Variants in HS3ST2 observed in about 807,000 individuals in gnomAD.
The protein encoded by HS3ST2 is heparan sulfate glucosamine 3-O-sulfotransferase 2.
A neutral mutation model predicts 26.3 loss-of-function variants in HS3ST2; 17 were observed. The observed-to-expected ratio is 0.65, with a 90% confidence interval of 0.44 to 0.97. The LOEUF (loss-of-function observed/expected upper bound fraction) is 0.97, where lower values mean the gene tolerates loss of function less well. Among genes scored for constraint, HS3ST2 ranks in the 50% least tolerant of loss-of-function variants. The pLI is 0.00. For synonymous variants in HS3ST2, 237 were observed against 219.2 expected (o/e 1.08, Z -0.72); for missense variants, 402 against 501.2 (o/e 0.80, Z 1.89).
At chr16:22,824,591 C>T (rs1249531146) in intron 1 of HS3ST2, among the ~76,000 whole-genome samples, 1 of 152,054 alleles carries the variant, frequency 6.6e-6, no homozygotes, top group Non-Finnish European at 1.5e-5. Flanking sequence ...AACCATGAAG[C>T]TTATACACAG....
At chr16:22,885,234 A>T (rs1447043168) in intron 1 of HS3ST2, among the ~76,000 whole-genome samples, 1 of 152,020 alleles carries the variant, frequency 6.6e-6, no homozygotes, top group Non-Finnish European at 1.5e-5. Flanking sequence ...TAGAAGAAAA[A>T]GTCTTGCCCC....
At chr16:22,900,164 TG>T (rs1902264133) in intron 1 of HS3ST2, among the ~76,000 whole-genome samples, 1 of 152,086 alleles carries the variant, frequency 6.6e-6, no homozygotes, top group Non-Finnish European at 1.5e-5. Context: ...AATTTCTATA[TG>T]GGGGAAGGGG....
rs781259908 is a variant in HS3ST2, at chr16:22,915,094, C to T, written c.636C>T (p.Ile212=). The T allele has an allele frequency of 6.2e-7, 1 of 1,614,092 alleles. No individual in the cohort carries two copies. Among genetic ancestry groups the T allele is most frequent in the African/African-American group, 1.3e-5 (1 of 75,026 alleles). The change falls in exon 2 of 2, where the codon ATC becomes ATT. Residue 212 remains isoleucine (I), a synonymous_variant. Coordinates refer to ENST00000261374, the MANE Select transcript of HS3ST2 (RefSeq NM_006043.2). The part of the protein sequence containing the change: ...VVVRNPVTRA[I]SDYTQTLSKK... Reference sequence around the variant, plus strand: ...TGCGGAACCCTGTGACCCGTGCCATCTCTGATTACACGCAGACACTCTCCA... The same window carrying T: ...TGCGGAACCCTGTGACCCGTGCCATTTCTGATTACACGCAGACACTCTCCA...
chr16:22,848,740 T>C (rs1901480187), intron 1 of HS3ST2, among the ~76,000 whole-genome samples: 1 of 152,222 alleles, frequency 6.6e-6, no homozygotes, highest in South Asian at 2.1e-4. Context: ...AGTTGATTTC[T>C]CTCTCCCTTT....
At chr16:22,911,601 G>A (rs756532912) in intron 1 of HS3ST2, among the ~76,000 whole-genome samples, 10 of 152,152 alleles carry the variant, frequency 6.6e-5, no homozygotes, top group Non-Finnish European at 1.0e-4. Context: ...CCTAGCTTCC[G>A]GTGGCTGCTG....
intron 1 of HS3ST2, among the ~76,000 whole-genome samples, chr16:22,847,121 C>G (rs1043173266): frequency 2.0e-5 from 3 of 152,098 alleles, no homozygotes; most frequent in Non-Finnish European, 4.4e-5. Context: ...CTTTCTGATC[C>G]TTGCCCTCTT....
At chr16:22,820,601 G>T (rs943226505) in intron 1 of HS3ST2, among the ~76,000 whole-genome samples, 1 of 152,256 alleles carries the variant, frequency 6.6e-6, no homozygotes, top group Admixed American at 6.5e-5. Context: ...ATCAGATTTC[G>T]TGAGACTTAT....
chr16:22,881,375 T>G (rs1567495539), intron 1 of HS3ST2, among the ~76,000 whole-genome samples: 1 of 152,096 alleles, frequency 6.6e-6, no homozygotes, highest in Non-Finnish European at 1.5e-5. Context: ...CAGGGCTGAG[T>G]CCACATGGTC....
intron 1 of HS3ST2, among the ~76,000 whole-genome samples, chr16:22,901,545 A>G (rs1902282015): frequency 6.6e-6 from 1 of 152,178 alleles, no homozygotes; most frequent in South Asian, 2.1e-4. Context: ...GGGCAGGGAG[A>G]GAAATTAAGC....
At chr16:22,875,915 C>A (rs571616020) in intron 1 of HS3ST2, among the ~76,000 whole-genome samples, 1 of 152,278 alleles carries the variant, frequency 6.6e-6, no homozygotes, top group East Asian at 1.9e-4. Flanking sequence ...CTACAGTATT[C>A]AGGACAGCAA....
intron 1 of HS3ST2, among the ~76,000 whole-genome samples, chr16:22,913,140 AAGGAAGGAAGGG>A (rs1183886304): frequency 1.0e-5 from 1 of 98,270 alleles, no homozygotes; most frequent in African/African-American, 4.4e-5. Flanking sequence ...GGAAGGAAGG[AAGGAAGGAAGGG>A]AGGGAGGGAG....
intron 1 of HS3ST2, among the ~76,000 whole-genome samples, chr16:22,911,467 A>T (rs995222846): frequency 3.9e-5 from 6 of 152,244 alleles, no homozygotes; most frequent in African/African-American, 1.4e-4. Flanking sequence ...ACTGCAAACT[A>T]GGTGGCTTAA....
At chr16:22,879,554 C>T (rs1596623782) in intron 1 of HS3ST2, among the ~76,000 whole-genome samples, 1 of 152,170 alleles carries the variant, frequency 6.6e-6, no homozygotes, top group East Asian at 1.9e-4. Context: ...GGATCGGACA[C>T]TGAGTGCACG....
At chr16:22,825,128 C>A (rs541315682) in intron 1 of HS3ST2, among the ~76,000 whole-genome samples, 12 of 152,108 alleles carry the variant, frequency 7.9e-5, no homozygotes, top group African/African-American at 2.9e-4. Flanking sequence ...AGAAGGAATA[C>A]GTTGGAATCT....
chr16:22,902,347 AC>A (rs1488545928), intron 1 of HS3ST2, among the ~76,000 whole-genome samples: 1 of 152,048 alleles, frequency 6.6e-6, no homozygotes, highest in African/African-American at 2.4e-5. Context: ...TAACAAACAA[AC>A]CCCTAGGAAA....
At chr16:22,870,784 C>T (rs942288493) in intron 1 of HS3ST2, among the ~76,000 whole-genome samples, 1 of 152,168 alleles carries the variant, frequency 6.6e-6, no homozygotes, top group African/African-American at 2.4e-5. Flanking sequence ...TTTTCCCCAG[C>T]CACCCTTTGC....
At chr16:22,857,963 G>A (rs1485695596) in intron 1 of HS3ST2, among the ~76,000 whole-genome samples, 1 of 152,164 alleles carries the variant, frequency 6.6e-6, no homozygotes, top group African/African-American at 2.4e-5. Flanking sequence ...AAGTAGGATA[G>A]CTTTTGCGGT....
Position 22,814,522 on chromosome 16 carries a change from C to T in HS3ST2, c.-89C>T. ...CCCGCGTGGCCGTGGCAGCGCCACG[C>T]GAGCCCTCTAGGCGACCGCAGGGCC... On this transcript the variant is annotated 5_prime_UTR_variant, in exon 1 of 2. The change creates a premature stop within an existing upstream ORF in the 5' untranslated region. Coordinates refer to ENST00000261374, the MANE Select transcript of HS3ST2 (RefSeq NM_006043.2). The T allele has an allele frequency of 1.5e-6, 2 of 1,375,190 alleles. No homozygotes were observed. The highest frequency in any genetic ancestry group is 1.9e-6 in the Non-Finnish European group (2 of 1,066,130). The allele number at this position is 1,375,190 out of a possible 1,614,324, so 85.2% of individuals were successfully genotyped here.
intron 1 of HS3ST2, among the ~76,000 whole-genome samples, chr16:22,849,438 T>C (rs1469386281): frequency 6.6e-6 from 1 of 152,200 alleles, no homozygotes; most frequent in Non-Finnish European, 1.5e-5. Flanking sequence ...CGGGGGGGTA[T>C]GTCTAGTTCT....
Sources: allele counts gnomAD v4.1 joint callset (sites outside exome capture counted in the v4.1 genomes callset), GRCh38; gene constraint gnomAD v4.1.1; transcripts MANE v1.5; gene names NCBI Gene and HGNC (gene_info 2026-07-23, HGNC 2026-07-21).